FARS2: variants seen among roughly 807,000 people sequenced by gnomAD.
FARS2 encodes phenylalanine--tRNA ligase, mitochondrial.
FARS2 carries 40 observed loss-of-function variants against 46.4 expected under a neutral mutation model. The observed-to-expected ratio is 0.86, with a 90% confidence interval of 0.67 to 1.12. The LOEUF (loss-of-function observed/expected upper bound fraction) is 1.12. Ranked by LOEUF, FARS2 falls within the 50% of genes most tolerant of loss-of-function variation. The pLI is 0.00. For synonymous variants in FARS2, 234 were observed against 214.9 expected (o/e 1.09, Z -0.78); for missense variants, 513 against 567.9 (o/e 0.90, Z 0.98).
intron 6 of FARS2, among the ~76,000 whole-genome samples, chr6:5,744,282 C>G (rs1257010940): frequency 2.0e-5 from 3 of 152,214 alleles, no homozygotes; most frequent in Non-Finnish European, 4.4e-5. Flanking sequence ...CAGGACAACC[C>G]TGTCCTCCTC....
rs143525656 is a variant in FARS2 at position 5,298,936 on chromosome 6, T to G, written c.-22+37276T>G. On this transcript the variant is annotated intron_variant, in intron 1 of 6. Coordinates refer to ENST00000274680, the MANE Select transcript of FARS2 (RefSeq NM_006567.5). ...GGGTGTCCTTATTAGCTGAGATTGC[T>G]GAAATTTATTCCTCACATATGAAGG... is the stretch of plus-strand genomic sequence containing the variant. Among the ~76,000 whole-genome samples, 701 of 152,170 alleles carry G rather than the reference T, an allele frequency of 4.6e-3. 2 individuals are homozygous for G. The highest frequency in any genetic ancestry group is 7.4e-3 in the Non-Finnish European group (505 of 67,982).
intron 4 of FARS2, chr6:5,431,900 A>G (rs1763191609): frequency 4.4e-6 from 1 of 225,656 alleles, no homozygotes; most frequent in African/African-American, 2.3e-5. Context: ...TTAAGTCACT[A>G]TCTGAATTGG....
chr6:5,524,807 C>T (rs1374522218), intron 4 of FARS2, among the ~76,000 whole-genome samples: 2 of 152,284 alleles, frequency 1.3e-5, no homozygotes, highest in East Asian at 1.9e-4. Flanking sequence ...GCTCTTAACT[C>T]GTCTACTCTT....
intron 3 of FARS2, among the ~76,000 whole-genome samples, chr6:5,421,416 AT>A (rs1396208633): frequency 6.6e-6 from 1 of 152,028 alleles, no homozygotes. Flanking sequence ...CATTTTCCCC[AT>A]TGTCTTGGGG....
At chr6:5,400,452 A>G (rs775203013) in intron 2 of FARS2, among the ~76,000 whole-genome samples, 3 of 151,772 alleles carry the variant, frequency 2.0e-5, no homozygotes, top group Non-Finnish European at 4.4e-5. Context: ...GTTAATGGGA[A>G]TGATTTTTAG....
chr6:5,455,282 C>CT (rs1764779497), intron 4 of FARS2, among the ~76,000 whole-genome samples: 1 of 152,178 alleles, frequency 6.6e-6, no homozygotes, highest in African/African-American at 2.4e-5. Context: ...ACACAAGCCT[C>CT]TATTTTATTG....
At chr6:5,320,350 G>T (rs1306563285) in intron 1 of FARS2, among the ~76,000 whole-genome samples, 2 of 152,168 alleles carry the variant, frequency 1.3e-5, no homozygotes, top group Non-Finnish European at 2.9e-5. Flanking sequence ...ATGATGGGAG[G>T]CCAAAAACAG....
intron 1 of FARS2, among the ~76,000 whole-genome samples, chr6:5,364,577 G>A (rs1271556199): frequency 1.3e-5 from 2 of 152,156 alleles, no homozygotes; most frequent in African/African-American, 2.4e-5. Flanking sequence ...CTAAAACAGG[G>A]CTCAGCAAAC....
intron 6 of FARS2, among the ~76,000 whole-genome samples, chr6:5,762,682 G>A (rs1469940797): frequency 2.6e-5 from 4 of 152,242 alleles, no homozygotes; most frequent in South Asian, 2.1e-4. Context: ...AGCTGGGCCC[G>A]GCGGGGGAGG....
chr6:5,287,465 T>C (rs1179506449), intron 1 of FARS2, among the ~76,000 whole-genome samples: 2 of 152,194 alleles, frequency 1.3e-5, no homozygotes, highest in African/African-American at 2.4e-5. Flanking sequence ...TTTTTGGCAC[T>C]GAGAGTGGCC....
At chr6:5,653,485 A>G (rs1213512352) in intron 6 of FARS2, among the ~76,000 whole-genome samples, 1 of 152,248 alleles carries the variant, frequency 6.6e-6, no homozygotes, top group Non-Finnish European at 1.5e-5. Flanking sequence ...TGACGAGTAA[A>G]GCAGGCTCAG....
intron 1 of FARS2, among the ~76,000 whole-genome samples, chr6:5,362,224 C>T (rs763385340): frequency 2.0e-5 from 3 of 152,060 alleles, no homozygotes; most frequent in Non-Finnish European, 4.4e-5. Flanking sequence ...ATAATTGCTG[C>T]CATTTATTGA....
rs1770719212 is a variant in FARS2, at chr6:5,330,410, G to T, written c.-21-38140G>T. On this transcript the variant is annotated intron_variant, in intron 1 of 6. Transcript: ENST00000274680. ...TGCTGGTGACATCATTTGGCTCAGT[G>T]TTATGTATCCCAAGAGGAAGCTGTG... Among the ~76,000 whole-genome samples, 4 of 152,256 alleles carry T rather than the reference G, an allele frequency of 2.6e-5. No individual in the cohort carries two copies. The South Asian group carries it at 8.3e-4, about 32-fold the overall frequency.
At chr6:5,444,857 C>T (rs898381112) in intron 4 of FARS2, among the ~76,000 whole-genome samples, 3 of 152,162 alleles carry the variant, frequency 2.0e-5, no homozygotes, top group African/African-American at 7.2e-5. Context: ...GTACAATTCC[C>T]AGTTTCCAAG....
intron 6 of FARS2, among the ~76,000 whole-genome samples, chr6:5,726,859 A>G (rs1162893921): frequency 6.6e-6 from 1 of 152,202 alleles, no homozygotes; most frequent in Non-Finnish European, 1.5e-5. Context: ...CCTTCCTCAC[A>G]GACAGTGCTT....
chr6:5,501,313 C>G (rs955193917), intron 4 of FARS2, among the ~76,000 whole-genome samples: 2 of 151,992 alleles, frequency 1.3e-5, no homozygotes, highest in Non-Finnish European at 2.9e-5. Flanking sequence ...CTGTAAAGCT[C>G]TTGGCATATG....
intron 5 of FARS2, among the ~76,000 whole-genome samples, chr6:5,600,011 TAA>T (rs1774421880): frequency 2.6e-5 from 4 of 152,208 alleles, no homozygotes; most frequent in Non-Finnish European, 5.9e-5. Context: ...CTCCCCTGTC[TAA>T]CTAAAGTAGC....
chr6:5,296,626 C>T (rs1209423077), intron 1 of FARS2, among the ~76,000 whole-genome samples: 1 of 152,222 alleles, frequency 6.6e-6, no homozygotes, highest in African/African-American at 2.4e-5. Flanking sequence ...TACTTTCTGT[C>T]TCTGAATTTA....
chr6:5,459,830 C>T (rs928969886), intron 4 of FARS2, among the ~76,000 whole-genome samples: 10 of 152,216 alleles, frequency 6.6e-5, no homozygotes, highest in African/African-American at 2.4e-4. Flanking sequence ...CCAGTTTCAA[C>T]TGTTTGACAT....
Sources: gnomAD v4.1 joint callset for allele counts (sites outside exome capture counted in the v4.1 genomes callset) on GRCh38, gnomAD v4.1.1 for gene constraint, MANE v1.5 for transcripts, NCBI Gene and HGNC (gene_info 2026-07-23, HGNC 2026-07-21) for gene names.